Variants in RECQL5 observed in about 807,000 individuals in gnomAD.
The protein encoded by RECQL5 is ATP-dependent DNA helicase Q5.
A neutral mutation model predicts 103.4 loss-of-function variants in RECQL5; 88 were observed. That is an observed-to-expected ratio of 0.85 (90% CI 0.72 to 1.02). The LOEUF (loss-of-function observed/expected upper bound fraction) is 1.02. RECQL5 is among the 50% of genes least tolerant of loss of function. RECQL5 has a pLI of 0.00. For synonymous variants in RECQL5, 552 were observed against 507.9 expected, an observed-to-expected ratio of 1.09 and a Z score of -1.17; for missense variants, 1,232 against 1,284.3, an observed-to-expected ratio of 0.96 and a Z score of 0.62.
intron 11 of RECQL5, 37 bp from the exon 12 acceptor site, chr17:75,630,874 C>A (rs756898402): frequency 2.0e-6 from 3 of 1,518,598 alleles, no homozygotes; most frequent in Admixed American, 4.0e-5. Context: ...TCCTTTCGCT[C>A]CACCTTCTGC....
intron 8 of RECQL5, among the ~76,000 whole-genome samples, chr17:75,648,473 C>T (rs1038811120): frequency 6.6e-6 from 1 of 151,950 alleles, no homozygotes; most frequent in African/African-American, 2.4e-5. Flanking sequence ...TCCCGGGTCA[C>T]GCCATTCTCC....
At position 75,640,395 on chromosome 17, in the gene RECQL5, A is replaced by C; in HGVS notation, c.1230-8727T>G. On this transcript the variant is annotated intron_variant, in intron 8 of 19. Transcript: ENST00000317905. This position sits in a 1 kb window ranked among gnomAD's most constrained non-coding sequence, Gnocchi z 4.6. Reference sequence around the variant, plus strand: ...CTGGGAGAGACCACACCATGGTGCCAGCCAGAGGGCTGGCAGAGGTGGCGG... The same window carrying C: ...CTGGGAGAGACCACACCATGGTGCCCGCCAGAGGGCTGGCAGAGGTGGCGG... 6.8e-7 allele frequency: 1 copy of C among 1,462,142 alleles called. No homozygotes were observed. The highest frequency in any genetic ancestry group is 9.1e-7 in the Non-Finnish European group (1 of 1,102,810). The allele number at this position is 1,462,142 out of a possible 1,614,324, so 90.6% of individuals were successfully genotyped here.
chr17:75,637,001 A>T (rs1053418271), intron 8 of RECQL5: 2 of 152,208 alleles, frequency 1.3e-5, no homozygotes, highest in African/African-American at 2.4e-5. Flanking sequence ...CTGGGAACTG[A>T]CACTTTTCCC....
rs778482757 is a variant in RECQL5, at chr17:75,631,482, C to T, written c.1416G>A (p.Glu472=). Residue 472 remains glutamate, a synonymous_variant, in exon 9 of 20, where the codon GAG becomes GAA. Transcript: ENST00000317905. ...QGNGFDPELY[E]GGRKGYGDFS... is the part of the protein sequence containing the mutation. Reference sequence around the variant, plus strand: ...AGTCCCCGTAGCCCTTGCGGCCTCCCTCATACAGCTCGGGGTCAAAGCCGT... The same window carrying T: ...AGTCCCCGTAGCCCTTGCGGCCTCCTTCATACAGCTCGGGGTCAAAGCCGT... The T allele has an allele frequency of 1.9e-6, 3 of 1,613,138 alleles. No homozygotes were observed. In the African/African-American group the frequency reaches 4.0e-5, roughly 22 times the overall value.
chr17:75,630,689 G>T lies in RECQL5; in HGVS notation c.1648C>A (p.Arg550=), dbSNP rs746220717. ...RRIPRLTVKA[R]EHCLRLLEEA... is the part of the protein sequence containing the mutation. The stretch of plus-strand genomic sequence containing the variant: ...TCCAGAAGCCGCAGGCAGTGCTCCC[G>T]TGCCTGGCACAGGACAGTGAGACTG... The change falls in exon 13 of 20, where the codon CGG becomes AGG. Residue 550 remains arginine (R), a synonymous_variant. Transcript: ENST00000317905. The T allele has an allele frequency of 6.2e-7, 1 of 1,613,464 alleles. No homozygotes were observed. Among genetic ancestry groups the T allele is most frequent in the African/African-American group, 1.3e-5 (1 of 74,926 alleles).
chr17:75,650,739 G>A, intron 8 of RECQL5: 2 of 1,609,564 alleles, frequency 1.2e-6, no homozygotes, highest in South Asian at 2.2e-5. Context: ...AGGTAAAACA[G>A]ATGCGTGAGT....
intron 18 of RECQL5, 98 bp from the exon 19 acceptor site, chr17:75,627,790 C>A (rs188123094): frequency 9.3e-7 from 1 of 1,074,060 alleles, no homozygotes; most frequent in African/African-American, 1.6e-5. Flanking sequence ...GAGGCCGAGG[C>A]GGGCGGATCA....
In RECQL5 at chr17:75,627,398, G is replaced by A. The variant is rs751203184; in HGVS notation, c.*24C>T. The stretch of plus-strand genomic sequence containing the variant: ...CATGCTAGAATCTGGGGGAGGACGC[G>A]GGCCCTGCCCAGCCAGCAGTTGGTC... On this transcript the variant is annotated 3_prime_UTR_variant, in exon 20 of 20. Transcript: ENST00000317905. The A allele has an allele frequency of 3.8e-6, 6 of 1,588,842 alleles. No homozygotes were observed. The highest frequency in any genetic ancestry group is 2.2e-5 in the South Asian group (2 of 90,572).
At chr17:75,658,924 C>T (rs2059663126) in intron 6 of RECQL5, among the ~76,000 whole-genome samples, 3 of 152,270 alleles carry the variant, frequency 2.0e-5, no homozygotes, top group Non-Finnish European at 2.9e-5. Flanking sequence ...ATATGAGATT[C>T]AGAAAGGTAA....
In RECQL5 at chr17:75,640,887, C is replaced by T. The variant is rs1473591526; in HGVS notation, c.1230-9219G>A. ...GGCAGGAAGGTCCAGGTGCAGCCGA[C>T]ACCACCATGACGGACGGGCGATGGC... On this transcript the variant is annotated intron_variant, in intron 8 of 19. Transcript: ENST00000317905. The surrounding 1 kb of genome is among the most constrained non-coding windows in gnomAD (Gnocchi z 4.6). 1.3e-6 allele frequency: 2 copies of T among 1,545,368 alleles called. No individual in the cohort carries two copies. The highest frequency in any genetic ancestry group is 1.7e-6 in the Non-Finnish European group (2 of 1,146,914).
Position 75,649,788 on chromosome 17 carries a change from C to T in RECQL5, c.1229+1398G>A, listed in dbSNP as rs192407094. The T allele has an allele frequency of 8.6e-4, 848 of 985,488 alleles. 1 individual carries two copies. The Middle Eastern group carries it at 0.021, about 25-fold the overall frequency. The allele number at this position is 985,488 out of a possible 1,614,324, so 61.0% of individuals were successfully genotyped here. A position where few individuals can be genotyped will look rare whatever the true frequency, so the allele number is the denominator to read the frequency against. ...TCACATGTAGCAAAGGAGACAGGCA[C>T]GAGGCTGCTCAAGAGGCAGCGCAAC... is the stretch of plus-strand genomic sequence containing the variant. On this transcript the variant is annotated intron_variant, in intron 8 of 19. Coordinates refer to ENST00000317905, the MANE Select transcript of RECQL5 (RefSeq NM_004259.7).
At position 75,640,444 on chromosome 17, in the gene RECQL5, A is replaced by G; in HGVS notation, c.1230-8776T>C. The G allele has an allele frequency of 7.1e-7, 1 of 1,417,590 alleles. No individual in the cohort carries two copies. The highest frequency in any genetic ancestry group is 9.3e-7 in the Non-Finnish European group (1 of 1,075,204). The allele number at this position is 1,417,590 out of a possible 1,614,324, so 87.8% of individuals were successfully genotyped here. A position where few individuals can be genotyped will look rare whatever the true frequency, so the allele number is the denominator to read the frequency against. On this transcript the variant is annotated intron_variant, in intron 8 of 19. Coordinates refer to ENST00000317905, the MANE Select transcript of RECQL5 (RefSeq NM_004259.7). This position sits in a 1 kb window ranked among gnomAD's most constrained non-coding sequence, Gnocchi z 4.6. ...GGGTGTCTGCCGGATCAAGGAGGAAAACCAGTTGTCCCTTGGGGGAAGCCA... is the reference window on the plus strand; with the variant it reads ...GGGTGTCTGCCGGATCAAGGAGGAAGACCAGTTGTCCCTTGGGGGAAGCCA...
chr17:75,641,998 T>A (rs1438765440), intron 8 of RECQL5, among the ~76,000 whole-genome samples: 5 of 152,194 alleles, frequency 3.3e-5, no homozygotes, highest in African/African-American at 1.2e-4. Context: ...AGCTCGGTGC[T>A]GGGCATATCT....
intron 16 of RECQL5, 31 bp from the exon 17 acceptor site, chr17:75,628,793 C>G: frequency 6.2e-7 from 1 of 1,605,282 alleles, no homozygotes; most frequent in Non-Finnish European, 8.5e-7. Context: ...CATCACAGCA[C>G]TGGGTCCTGG....
In RECQL5 at chr17:75,651,255, CCT is replaced by C. The variant is rs1385051508; in HGVS notation, c.1158_1159del (p.Gly387LysfsTer5). On this transcript the variant is annotated frameshift_variant, in exon 8 of 20. Coordinates refer to ENST00000317905, the MANE Select transcript of RECQL5 (RefSeq NM_004259.7). LOFTEE classifies it high-confidence loss of function. Reference sequence around the variant, plus strand: ...AGTGGCTTTATCAGATGCTTTGTTTCCTCTCTTTTCCTGGGGACAAAAAATGA... The same window carrying C: ...AGTGGCTTTATCAGATGCTTTGTTTCCTCTTTTCCTGGGGACAAAAAATGA... 1 of 1,614,070 alleles carries C rather than the reference CCT, an allele frequency of 6.2e-7. No individual in the cohort carries two copies. Among genetic ancestry groups the C allele is most frequent in the African/African-American group, 1.3e-5 (1 of 74,926 alleles).
At chr17:75,656,165 C>T (rs956451648) in intron 7 of RECQL5, among the ~76,000 whole-genome samples, 1 of 152,182 alleles carries the variant, frequency 6.6e-6, no homozygotes, top group African/African-American at 2.4e-5. Flanking sequence ...ACCTCCACCT[C>T]GTGGGTTCAA....
Position 75,658,449 on chromosome 17 carries a change from T to C in RECQL5, c.998A>G (p.His333Arg). 2 of 1,613,598 alleles carry C rather than the reference T, an allele frequency of 1.2e-6. No individual in the cohort carries two copies. Among genetic ancestry groups the C allele is most frequent in the Non-Finnish European group, 1.7e-6 (2 of 1,179,662 alleles). ...AGCCATAGACTTGGCAATATTCCAA[T>C]GGGCGACAAACCTGTAGGATCCAAA... ...VDKANVRFVA[H>R]WNIAKSMAGY... Residue 333 changes from histidine to arginine, a missense_variant, in exon 7 of 20, where the codon CAT becomes CGT. Physicochemically the swap from His to Arg is conservative, Grantham distance 29 (BLOSUM62 0). Transcript: ENST00000317905.
intron 6 of RECQL5, among the ~76,000 whole-genome samples, chr17:75,658,744 A>G (rs2059660617): frequency 6.6e-6 from 1 of 152,212 alleles, no homozygotes; most frequent in Non-Finnish European, 1.5e-5. Context: ...GGACCTAAAG[A>G]AACAAAATGA....
rs1250966205 is a variant in RECQL5, at chr17:75,627,424, A to G, written c.2974T>C (p.Ter992ArgextTer15). The change falls in exon 20 of 20, where the codon TGA becomes CGA. Residue 992 changes from the stop codon to arginine (R), a stop_lost. Coordinates refer to ENST00000317905, the MANE Select transcript of RECQL5 (RefSeq NM_004259.7). ...GGCCCTGCCCAGCCAGCAGTTGGTC[A>G]TCTCTGGGGGCCACACAGGCCATGC... is the stretch of plus-strand genomic sequence containing the variant. ...DWHGLCGPQR[*>R] The G allele has an allele frequency of 2.5e-6, 4 of 1,613,028 alleles. No homozygotes were observed. The highest frequency in any genetic ancestry group is 1.7e-5 in the Admixed American group (1 of 60,022).
Sources: gnomAD v4.1 joint callset for allele counts (sites outside exome capture counted in the v4.1 genomes callset) on GRCh38, gnomAD v4.1.1 for gene constraint, Gnocchi (gnomAD v3.1) non-coding constraint, MANE v1.5 for transcripts, NCBI Gene and HGNC (gene_info 2026-07-23, HGNC 2026-07-21) for gene names.